ANKFY1: variants seen among roughly 807,000 people sequenced by gnomAD.
ANKFY1 encodes ankyrin repeat and FYVE domain containing 1, also known as ankyrin repeat and FYVE domain-containing protein 1.
In ANKFY1, 47 loss-of-function variants were observed where a neutral mutation model predicts 128.3. The ratio of observed to expected loss-of-function variants is 0.37; its 90% CI spans 0.29 to 0.47. The LOEUF is 0.47. Ranked by LOEUF, ANKFY1 falls within the 20% of genes least tolerant of loss-of-function variation. The pLI is 1.00. For missense variants in ANKFY1, 1,222 were observed against 1,510.6 expected (o/e 0.81, Z 3.17); for synonymous variants, 553 against 601.6 (o/e 0.92, Z 1.18).
chr17:4,196,242 G>T, intron 8 of ANKFY1, among the ~76,000 whole-genome samples: 1 of 151,596 alleles, frequency 6.6e-6, no homozygotes, highest in Non-Finnish European at 1.5e-5. Flanking sequence ...CAACAGCAGG[G>T]AAAGGGATGC....
intron 7 of ANKFY1, among the ~76,000 whole-genome samples, chr17:4,200,756 G>T (rs191424353): frequency 6.6e-6 from 1 of 152,126 alleles, no homozygotes; most frequent in South Asian, 2.1e-4. Flanking sequence ...AGGATGCTTC[G>T]GTTCCTAATT....
chr17:4,196,764 T>C, intron 8 of ANKFY1, among the ~76,000 whole-genome samples: 1 of 152,230 alleles, frequency 6.6e-6, no homozygotes, highest in East Asian at 1.9e-4. Flanking sequence ...TAAGAAATGC[T>C]ACAAGGTTTC....
intron 8 of ANKFY1, among the ~76,000 whole-genome samples, chr17:4,196,650 T>C (rs2059830011): frequency 6.6e-6 from 1 of 152,134 alleles, no homozygotes; most frequent in Non-Finnish European, 1.5e-5. Context: ...AAAGTGGGAG[T>C]GTTTACGAGA....
In ANKFY1 at chr17:4,169,307, G is replaced by C. The variant is rs769494277; in HGVS notation, c.3287-19C>G. 25 of 1,534,324 alleles carry C rather than the reference G, an allele frequency of 1.6e-5. No individual in the cohort carries two copies. In the East Asian group the frequency reaches 6.2e-4, roughly 38 times the overall value. ...AGCATATCTGCAACACAGGGGGGAG[G>C]CCCGGTCCCGTCAAACCGCGACGGC... On this transcript the variant is annotated intron_variant, in intron 23 of 24. Transcript: ENST00000341657. The surrounding 1 kb of genome is among the most constrained non-coding windows in gnomAD (Gnocchi z 5.0).
At position 4,178,977 on chromosome 17, in the gene ANKFY1, G is replaced by A. The variant is rs762631106; in HGVS notation, c.2478C>T (p.Pro826=). 13 of 1,614,164 alleles carry A rather than the reference G, an allele frequency of 8.1e-6. No homozygotes were observed. Among genetic ancestry groups the A allele is most frequent in the South Asian group, 3.3e-5 (3 of 91,078 alleles). The change falls in exon 18 of 25, where the codon CCC becomes CCT. Residue 826 remains proline, a synonymous_variant. Coordinates refer to ENST00000341657, the MANE Select transcript of ANKFY1 (RefSeq NM_001330063.2). This position sits in a 1 kb window ranked among gnomAD's most constrained non-coding sequence, Gnocchi z 4.1. ...TGTCTCGTACATTCAAATGGATATC[G>A]GGGTGAGAAACCAACAGCTGAATGA... ...GVIIQLLVSH[P]DIHLNVRDRQ...
intron 2 of ANKFY1, among the ~76,000 whole-genome samples, 175 bp downstream of exon 2, chr17:4,242,081 T>A (rs1260483943): frequency 2.6e-5 from 2 of 76,904 alleles, no homozygotes; most frequent in Admixed American, 1.7e-4. Context: ...AGAGCAGGAC[T>A]CCAACTCAAA....
intron 3 of ANKFY1, among the ~76,000 whole-genome samples, chr17:4,219,207 A>G (rs1228981933): frequency 6.6e-6 from 1 of 152,254 alleles, no homozygotes; most frequent in African/African-American, 2.4e-5. Flanking sequence ...GATGAGAATC[A>G]TAGTATAAAA....
intron 21 of ANKFY1, among the ~76,000 whole-genome samples, chr17:4,172,994 C>T (rs1419601560): frequency 1.3e-5 from 2 of 152,188 alleles, no homozygotes; most frequent in African/African-American, 4.8e-5. Flanking sequence ...GTATCTGGGA[C>T]TACAGGCGCC....
intron 11 of ANKFY1, chr17:4,187,520 G>C: frequency 2.7e-6 from 1 of 368,040 alleles, no homozygotes; most frequent in Non-Finnish European, 4.8e-6. Flanking sequence ...CAGTGTTCCA[G>C]GCCCTTCTGC....
chr17:4,256,216 G>GGT (rs1968110123), intron 1 of ANKFY1, among the ~76,000 whole-genome samples: 2 of 152,148 alleles, frequency 1.3e-5, no homozygotes, highest in South Asian at 4.1e-4. Flanking sequence ...ATTACGAACT[G>GGT]AGGAGATCGA....
chr17:4,172,602 G>A lies in ANKFY1; in HGVS notation c.3093C>T (p.Cys1031=). The A allele has an allele frequency of 6.2e-7, 1 of 1,614,084 alleles. No individual in the cohort carries two copies. The highest frequency in any genetic ancestry group is 1.7e-5 in the Admixed American group (1 of 60,026). Residue 1031 remains cysteine (C), a synonymous_variant, in exon 22 of 25, where the codon TGC becomes TGT. Transcript: ENST00000341657. Reference sequence around the variant, plus strand: ...GCTTGTCCAGAGGATACCCCGGCATGCATTCTAGGAAGAGATCAAAGATGG... The same window carrying A: ...GCTTGTCCAGAGGATACCCCGGCATACATTCTAGGAAGAGATCAAAGATGG... The part of the protein sequence containing the change: ...AAAIFDLFLE[C]MPGYPLDKPD...
At chr17:4,235,694 T>A in intron 3 of ANKFY1, 78 bp downstream of exon 3, 1 of 981,344 alleles carries the variant, frequency 1.0e-6, no homozygotes, top group Non-Finnish European at 1.6e-6. Flanking sequence ...CACAAATATT[T>A]CAAAATGAGA....
intron 1 of ANKFY1, among the ~76,000 whole-genome samples, chr17:4,261,907 A>T (rs1318502361): frequency 6.6e-6 from 1 of 152,136 alleles, no homozygotes; most frequent in East Asian, 1.9e-4. Context: ...ACATTCCGTG[A>T]TTTACTCAAA....
chr17:4,221,968 GGAC>G (rs1276214645), intron 3 of ANKFY1: 1 of 152,212 alleles, frequency 6.6e-6, no homozygotes, highest in Non-Finnish European at 1.5e-5. Context: ...CCCCTATTCC[GGAC>G]GATGCCGCCA....
At chr17:4,263,342 C>G (rs1402593455) in intron 1 of ANKFY1, among the ~76,000 whole-genome samples, 1 of 152,194 alleles carries the variant, frequency 6.6e-6, no homozygotes, top group Admixed American at 6.5e-5. Context: ...GGCCAACTCC[C>G]TTCCCGCAAA....
At chr17:4,172,882 C>T (rs1347061695) in intron 21 of ANKFY1, among the ~76,000 whole-genome samples, 7 of 152,328 alleles carry the variant, frequency 4.6e-5, no homozygotes, top group South Asian at 4.1e-4. Context: ...GTTTTTGAGA[C>T]GGAGTCTCGC....
intron 2 of ANKFY1, 76 bp from the exon 3 acceptor site, chr17:4,235,966 A>G (rs958695934): frequency 3.7e-5 from 38 of 1,022,748 alleles, no homozygotes; most frequent in Non-Finnish European, 4.1e-5. Context: ...ACAGCTGATA[A>G]ACACATGAGT....
At chr17:4,212,978 T>C (rs2060160573) in intron 4 of ANKFY1, among the ~76,000 whole-genome samples, 2 of 151,838 alleles carry the variant, frequency 1.3e-5, no homozygotes, top group African/African-American at 4.8e-5. Context: ...GGTTTCCCCA[T>C]GTTAGCCAGG....
intron 3 of ANKFY1, among the ~76,000 whole-genome samples, chr17:4,229,782 C>A (rs1321406713): frequency 6.6e-6 from 1 of 152,216 alleles, no homozygotes; most frequent in East Asian, 1.9e-4. Context: ...GACATGGCCG[C>A]TAACGTTCCC....
Sources: gnomAD v4.1 joint callset for allele counts (sites outside exome capture counted in the v4.1 genomes callset) on GRCh38, gnomAD v4.1.1 for gene constraint, Gnocchi (gnomAD v3.1) non-coding constraint, MANE v1.5 for transcripts, NCBI Gene and HGNC (gene_info 2026-07-23, HGNC 2026-07-21) for gene names.